The following COBL variants were observed in gnomAD, a reference collection of about 807,000 sequenced individuals.
COBL encodes the protein protein cordon-bleu.
A neutral mutation model predicts 98.8 loss-of-function variants in COBL; 51 were observed. The observed-to-expected ratio is 0.52, with a 90% CI of 0.41 to 0.65. The LOEUF (loss-of-function observed/expected upper bound fraction) is 0.65, where lower values mean the gene tolerates loss of function less well. Among genes scored for constraint, COBL ranks in the 30% least tolerant of loss-of-function variants. COBL has a pLI of 0.00. For synonymous variants in COBL, 634 were observed against 651.7 expected, an observed-to-expected ratio of 0.97 and a Z score of 0.41; for missense variants, 1,617 against 1,617.5, an observed-to-expected ratio of 1.00 and a Z score of 0.01.
At chr7:51,086,775 G>A (rs1005443771) in intron 6 of COBL, among the ~76,000 whole-genome samples, 2 of 151,784 alleles carry the variant, frequency 1.3e-5, no homozygotes, top group African/African-American at 4.8e-5. Flanking sequence ...CTAACAATTG[G>A]CATGTTTTTC....
At chr7:51,084,749 G>C (rs903593271) in intron 7 of COBL, among the ~76,000 whole-genome samples, 1 of 152,180 alleles carries the variant, frequency 6.6e-6, no homozygotes, top group Non-Finnish European at 1.5e-5. Context: ...TTACTGAGCT[G>C]ATGTCAACTT....
chr7:51,261,880 G>A (rs572078171), intron 1 of COBL, among the ~76,000 whole-genome samples: 8 of 152,216 alleles, frequency 5.3e-5, no homozygotes, highest in Middle Eastern at 3.4e-3. Flanking sequence ...CCCAGGAGGC[G>A]GAGGTTGCAG....
intron 6 of COBL, among the ~76,000 whole-genome samples, chr7:51,089,084 G>A (rs752463262): frequency 4.1e-4 from 63 of 152,098 alleles, no homozygotes; most frequent in Non-Finnish European, 7.1e-4. Context: ...TCATCAGCTC[G>A]TTCCACGGTC....
intron 2 of COBL, among the ~76,000 whole-genome samples, chr7:51,219,389 T>C (rs1436140743): frequency 6.6e-6 from 1 of 152,190 alleles, no homozygotes; most frequent in Non-Finnish European, 1.5e-5. Flanking sequence ...CCTTCAGAGC[T>C]GAGGATACCT....
At chr7:51,168,997 GT>G (rs1787599079) in intron 5 of COBL, among the ~76,000 whole-genome samples, 2 of 152,128 alleles carry the variant, frequency 1.3e-5, no homozygotes, top group African/African-American at 4.8e-5. Context: ...TAAAAATCTA[GT>G]TCAGGCCATG....
chr7:51,100,076 G>T (rs1429224358), intron 6 of COBL, among the ~76,000 whole-genome samples: 1 of 152,114 alleles, frequency 6.6e-6, no homozygotes, highest in East Asian at 1.9e-4. Context: ...CACCCTATTT[G>T]TTGATAACAC....
intron 1 of COBL, among the ~76,000 whole-genome samples, chr7:51,278,677 G>T (rs948631771): frequency 2.0e-5 from 3 of 152,138 alleles, no homozygotes; most frequent in Non-Finnish European, 4.4e-5. Flanking sequence ...ACGGCACCTG[G>T]CCTAGACAGG....
intron 5 of COBL, among the ~76,000 whole-genome samples, chr7:51,166,679 A>G (rs1777318789): frequency 6.6e-6 from 1 of 152,148 alleles, no homozygotes; most frequent in South Asian, 2.1e-4. Flanking sequence ...AATATCTCTG[A>G]TGAATATAAA....
chr7:51,159,302 C>G (rs1455128088), intron 5 of COBL, among the ~76,000 whole-genome samples: 1 of 152,146 alleles, frequency 6.6e-6, no homozygotes, highest in Non-Finnish European at 1.5e-5. Context: ...TGGTGAGATC[C>G]TAGATGTATC....
intron 5 of COBL, among the ~76,000 whole-genome samples, chr7:51,141,878 G>A (rs979702242): frequency 6.6e-6 from 1 of 152,144 alleles, no homozygotes; most frequent in Non-Finnish European, 1.5e-5. Context: ...TGTGGTGGCT[G>A]GCACAGTCTT....
intron 5 of COBL, among the ~76,000 whole-genome samples, chr7:51,172,034 T>G (rs376277183): frequency 2.6e-5 from 4 of 152,372 alleles, no homozygotes; most frequent in African/African-American, 9.6e-5. Context: ...ATGCCAACTG[T>G]GCAATGTGAG....
chr7:51,284,765 T>C (rs904722452), intron 1 of COBL, among the ~76,000 whole-genome samples: 4 of 150,480 alleles, frequency 2.7e-5, no homozygotes, highest in African/African-American at 9.8e-5. Flanking sequence ...AGGCAGAGGT[T>C]GTGGTGAGCC....
At chr7:51,065,909 G>T (rs1791877529) in intron 7 of COBL, among the ~76,000 whole-genome samples, 1 of 152,172 alleles carries the variant, frequency 6.6e-6, no homozygotes, top group African/African-American at 2.4e-5. Flanking sequence ...CACACAACAA[G>T]GGAAGACCCA....
At chr7:51,074,191 A>ATTTTTTTT (rs369421469) in intron 7 of COBL, among the ~76,000 whole-genome samples, 4 of 100,496 alleles carry the variant, frequency 4.0e-5, no homozygotes, top group East Asian at 3.1e-4. Context: ...CAAGGTAATG[A>ATTTTTTTT]TTTTTTTTTT....
At position 51,022,650 on chromosome 7, in the gene COBL, G is replaced by A. The variant is rs992539552; in HGVS notation, c.3768+2459C>T. 7.9e-5 allele frequency: 12 copies of A among 152,260 alleles called. No homozygotes were observed. The South Asian group carries it at 8.3e-4, about 11-fold the overall frequency. 9.4% of individuals were successfully genotyped at this position (152,260 alleles called of 1,614,324 possible). Reference sequence around the variant, plus strand: ...AAGTCCCAATGTTATTATCTCCTCCGCTTGCTGGTTGTGGACCTCGGGCCA... The same window carrying A: ...AAGTCCCAATGTTATTATCTCCTCCACTTGCTGGTTGTGGACCTCGGGCCA... On this transcript the variant is annotated intron_variant, in intron 12 of 12. Coordinates refer to ENST00000265136, the MANE Select transcript of COBL (RefSeq NM_015198.5).
intron 2 of COBL, among the ~76,000 whole-genome samples, chr7:51,203,555 A>G (rs1195859393): frequency 6.6e-6 from 1 of 151,850 alleles, no homozygotes; most frequent in African/African-American, 2.4e-5. Context: ...CAAATATCTT[A>G]GAAATATGAA....
At chr7:51,155,325 C>G (rs7779032) in intron 5 of COBL, among the ~76,000 whole-genome samples, 2 of 152,224 alleles carry the variant, frequency 1.3e-5, no homozygotes, top group South Asian at 2.1e-4. Flanking sequence ...AGCAGTGGCT[C>G]ACACCTGTAA....
intron 1 of COBL, among the ~76,000 whole-genome samples, chr7:51,231,745 G>A (rs1392344283): frequency 6.6e-6 from 1 of 152,204 alleles, no homozygotes; most frequent in Non-Finnish European, 1.5e-5. Context: ...CGAGCCAGGA[G>A]AGGCTGTGGG....
At chr7:51,156,987 G>A (rs115508119) in intron 5 of COBL, among the ~76,000 whole-genome samples, 2,545 of 152,194 alleles carry the variant, frequency 0.017, 84 homozygotes, top group African/African-American at 0.058. Flanking sequence ...AAGGAGAACC[G>A]AGCCCTCTGA....
Sources: allele counts gnomAD v4.1 joint callset (sites outside exome capture counted in the v4.1 genomes callset), GRCh38; gene constraint gnomAD v4.1.1; transcripts MANE v1.5; gene names NCBI Gene and HGNC (gene_info 2026-07-23, HGNC 2026-07-21).